Variants in NKAIN3 observed in about 807,000 individuals in gnomAD.
NKAIN3 encodes the protein sodium/potassium transporting ATPase interacting 3, also known as sodium/potassium-transporting ATPase subunit beta-1-interacting protein 3.
NKAIN3 carries 25 observed loss-of-function variants against 30.2 expected under a neutral mutation model. The observed-to-expected ratio is 0.83, with a 90% CI of 0.60 to 1.16. The LOEUF is 1.16. Ranked by LOEUF, NKAIN3 falls within the 50% of genes most tolerant of loss-of-function variation. NKAIN3 has a pLI of 0.00. For missense variants in NKAIN3, 225 were observed against 254.1 expected (o/e 0.89, Z 0.78); for synonymous variants, 91 against 89.6 (o/e 1.02, Z -0.09).
At chr8:62,819,154 T>TATATATATATATATATATATAC (rs1184020630) in intron 4 of NKAIN3, among the ~76,000 whole-genome samples, 52 of 32,680 alleles carry the variant, frequency 1.6e-3, no homozygotes, top group African/African-American at 3.9e-3. Context: ...TATATATACA[T>TATATATATATATATATATATAC]ATATATATAT....
intron 1 of NKAIN3, among the ~76,000 whole-genome samples, chr8:62,269,427 G>T (rs1018149483): frequency 7.2e-5 from 11 of 152,048 alleles, no homozygotes; most frequent in African/African-American, 2.7e-4. Context: ...TTGCTTTTGA[G>T]AAAGAGTAGA....
intron 1 of NKAIN3, among the ~76,000 whole-genome samples, chr8:62,373,514 C>A (rs996895062): frequency 2.0e-5 from 3 of 152,134 alleles, no homozygotes. Flanking sequence ...TATTTATACT[C>A]TGCCAGTTTG....
chr8:62,674,093 ACT>A (rs1473305346), intron 3 of NKAIN3, among the ~76,000 whole-genome samples: 1 of 152,222 alleles, frequency 6.6e-6, no homozygotes, highest in African/African-American at 2.4e-5. Flanking sequence ...GCCAGGGCTA[ACT>A]ACTGGGGTAG....
At chr8:62,637,251 T>G (rs1812159699) in intron 3 of NKAIN3, among the ~76,000 whole-genome samples, 1 of 152,146 alleles carries the variant, frequency 6.6e-6, no homozygotes, top group Admixed American at 6.6e-5. Flanking sequence ...CTGCTCTGAG[T>G]TCCTAGTGAC....
chr8:62,916,124 G>GCA (rs1822094600), intron 4 of NKAIN3, among the ~76,000 whole-genome samples: 1 of 152,030 alleles, frequency 6.6e-6, no homozygotes, highest in Non-Finnish European at 1.5e-5. Flanking sequence ...CCAATAATGT[G>GCA]TAAAAAATAG....
chr8:62,863,076 A>T, intron 4 of NKAIN3: 1 of 1,056,506 alleles, frequency 9.5e-7, no homozygotes, highest in African/African-American at 1.6e-5. Flanking sequence ...TGTATCATAT[A>T]TCTCTCAAGT....
At chr8:62,730,670 A>T (rs897944311) in intron 3 of NKAIN3, among the ~76,000 whole-genome samples, 1 of 152,138 alleles carries the variant, frequency 6.6e-6, no homozygotes, top group Non-Finnish European at 1.5e-5. Context: ...TTGTGTTTTT[A>T]AAAAATTTCT....
intron 1 of NKAIN3, among the ~76,000 whole-genome samples, chr8:62,410,293 A>T (rs1303422790): frequency 2.0e-5 from 3 of 152,050 alleles, no homozygotes; most frequent in Non-Finnish European, 4.4e-5. Flanking sequence ...ATGATTTATT[A>T]TTTTTTTGTG....
chr8:62,827,080 A>G (rs557048639), intron 4 of NKAIN3, among the ~76,000 whole-genome samples: 3 of 152,328 alleles, frequency 2.0e-5, no homozygotes, highest in East Asian at 3.9e-4. Flanking sequence ...TAGTAAATAA[A>G]CAATTTCCCA....
chr8:62,923,070 G>A (rs1822329927), intron 5 of NKAIN3, among the ~76,000 whole-genome samples: 4 of 152,128 alleles, frequency 2.6e-5, no homozygotes. Context: ...GCTGAAGCAG[G>A]CAAATCACTT....
At chr8:62,847,179 T>G (rs1233331494) in intron 4 of NKAIN3, among the ~76,000 whole-genome samples, 6 of 152,114 alleles carry the variant, frequency 3.9e-5, no homozygotes, top group Admixed American at 3.9e-4. Flanking sequence ...ACAGAATAAT[T>G]TATATTCCTT....
chr8:62,488,296 T>C (rs1806961903), intron 1 of NKAIN3, among the ~76,000 whole-genome samples: 3 of 152,114 alleles, frequency 2.0e-5, no homozygotes, highest in African/African-American at 7.2e-5. Context: ...TCACCATACA[T>C]AGTGTTCTAT....
rs186688523 is a variant in NKAIN3 at position 62,973,495 on chromosome 8, C to A, written c.*8088C>A. ...AAGAAGTGTCTATTCATATCCTTAA[C>A]CCACTTTTTGATGGAGTTGTTTTTT... On this transcript the variant is annotated 3_prime_UTR_variant, in exon 7 of 7. Transcript: ENST00000623646. 3.9e-4 allele frequency among the ~76,000 whole-genome samples: 60 copies of A among 151,928 alleles called. 2 individuals are homozygous for A. The East Asian group carries it at 0.012, about 30-fold the overall frequency.
chr8:62,373,189 C>T (rs998894751), intron 1 of NKAIN3, among the ~76,000 whole-genome samples: 1 of 151,938 alleles, frequency 6.6e-6, no homozygotes, highest in Non-Finnish European at 1.5e-5. Context: ...CTTTTTGGTT[C>T]GGATAAATAG....
chr8:62,675,544 A>G (rs1007327091), intron 3 of NKAIN3, among the ~76,000 whole-genome samples: 1 of 152,154 alleles, frequency 6.6e-6, no homozygotes, highest in African/African-American at 2.4e-5. Flanking sequence ...CACCCACACC[A>G]GTGGTATGCC....
At chr8:62,482,926 C>T (rs4269536) in intron 1 of NKAIN3, 130,373 of 152,056 alleles carry the variant, frequency 0.86, 55,975 homozygotes, top group Middle Eastern at 0.91. Context: ...TGCTTGTTTT[C>T]AAATTTTTCA....
chr8:62,549,702 T>G (rs1323442342), intron 1 of NKAIN3, among the ~76,000 whole-genome samples: 1 of 151,932 alleles, frequency 6.6e-6, no homozygotes, highest in Non-Finnish European at 1.5e-5. Flanking sequence ...CCCTGCCAGT[T>G]TTTCTCTCTT....
Position 62,536,832 on chromosome 8 carries a change from A to G in NKAIN3, c.55-42707A>G, listed in dbSNP as rs1313245662. On this transcript the variant is annotated intron_variant, in intron 1 of 6. Coordinates refer to ENST00000623646, the MANE Select transcript of NKAIN3 (RefSeq NM_001304533.3). ...TTCCCAAACTGAAATACATTTTTAT[A>G]TACAATCTAAACAGTTCTTAGCCTG... Among the ~76,000 whole-genome samples, 7 of 152,142 alleles carry G rather than the reference A, an allele frequency of 4.6e-5. No homozygotes were observed. The East Asian group carries it at 7.7e-4, about 17-fold the overall frequency.
At chr8:62,839,589 A>C (rs1256406110) in intron 4 of NKAIN3, among the ~76,000 whole-genome samples, 3 of 151,880 alleles carry the variant, frequency 2.0e-5, no homozygotes, top group Non-Finnish European at 2.9e-5. Flanking sequence ...CTTTTAATTT[A>C]TTTGTTTATT....
Sources: allele counts gnomAD v4.1 joint callset (sites outside exome capture counted in the v4.1 genomes callset), GRCh38; gene constraint gnomAD v4.1.1; transcripts MANE v1.5; gene names NCBI Gene and HGNC (gene_info 2026-07-23, HGNC 2026-07-21).